Variants in CEP350 observed in about 807,000 individuals in gnomAD.
The protein encoded by CEP350 is centrosome-associated protein 350.
CEP350 carries 126 observed loss-of-function variants against 331.8 expected under a neutral mutation model. The ratio of observed to expected loss-of-function variants is 0.38; its 90% CI spans 0.33 to 0.44. The LOEUF is 0.44. CEP350 is among the 20% of genes least tolerant of loss of function. CEP350 has a pLI of 1.00. For synonymous variants in CEP350, 1,200 were observed against 1,259.5 expected, an observed-to-expected ratio of 0.95 and a Z score of 1.00; for missense variants, 3,406 against 3,634.6, an observed-to-expected ratio of 0.94 and a Z score of 1.62.
At chr1:180,099,747 A>C (rs1011908180) in intron 37 of CEP350, among the ~76,000 whole-genome samples, 1 of 143,832 alleles carries the variant, frequency 7.0e-6, no homozygotes, top group Non-Finnish European at 1.5e-5. Flanking sequence ...TTTGCTTAGT[A>C]TTTTATAGTT....
In CEP350 at chr1:179,987,300, G is replaced by A; in HGVS notation, c.120+14G>A. ...ACCAAGGCTGCTGTAAGTAGTTTTA[G>A]CTTCCATTTATTTATTTCTGGATTA... On this transcript the variant is annotated intron_variant, in intron 3 of 37. Transcript: ENST00000367607. The A allele has an allele frequency of 6.8e-7, 1 of 1,469,904 alleles. No homozygotes were observed. Among genetic ancestry groups the A allele is most frequent in the East Asian group, 2.3e-5 (1 of 43,340 alleles). 91.1% of individuals were successfully genotyped at this position (1,469,904 alleles called of 1,614,324 possible). A position where few individuals can be genotyped will look rare whatever the true frequency, so the allele number is the denominator to read the frequency against.
At chr1:179,968,916 T>C in intron 1 of CEP350, 1 of 757,144 alleles carries the variant, frequency 1.3e-6, no homozygotes, top group Non-Finnish European at 2.4e-6. Flanking sequence ...TGTTGAAGTT[T>C]GCTGCTGCCA....
chr1:180,035,819 A>G (rs1177783366), intron 16 of CEP350, among the ~76,000 whole-genome samples: 1 of 152,230 alleles, frequency 6.6e-6, no homozygotes, highest in Non-Finnish European at 1.5e-5. Context: ...CACAAAGTCT[A>G]TTCTGTACCC....
At chr1:180,051,237 G>A (rs556950361) in intron 22 of CEP350, among the ~76,000 whole-genome samples, 2 of 152,276 alleles carry the variant, frequency 1.3e-5, no homozygotes, top group African/African-American at 4.8e-5. Flanking sequence ...CAACATGAAC[G>A]AATTTTACAG....
chr1:180,031,512 C>T lies in CEP350; in HGVS notation c.3725+18C>T, dbSNP rs1328921256. 1.3e-5 allele frequency: 15 copies of T among 1,189,712 alleles called. No individual in the cohort carries two copies. Among genetic ancestry groups the T allele is most frequent in the Non-Finnish European group, 1.7e-5 (15 of 904,952 alleles). 73.7% of individuals were successfully genotyped at this position (1,189,712 alleles called of 1,614,324 possible). A position where few individuals can be genotyped will look rare whatever the true frequency, so the allele number is the denominator to read the frequency against. ...TCTGTGAGGTAATGTATATTTTATA[C>T]TGTAATTTATATATAATTAAAGATA... On this transcript the variant is annotated intron_variant, in intron 15 of 37. Transcript: ENST00000367607.
Position 180,112,440 on chromosome 1 carries a change from T to C in CEP350, c.*1279T>C, listed in dbSNP as rs187628404. 5.9e-5 allele frequency: 9 copies of C among 152,804 alleles called. No homozygotes were observed. Among genetic ancestry groups the C allele is most frequent in the Admixed American group, 5.2e-4 (8 of 15,304 alleles). 9.5% of individuals were successfully genotyped at this position (152,804 alleles called of 1,614,324 possible). The stretch of plus-strand genomic sequence containing the variant: ...TTTAACTCTGCCTCTCTTGCAGCAT[T>C]GCTTCTCACAACTATTACCTGCATC... On this transcript the variant is annotated 3_prime_UTR_variant, in exon 38 of 38. Transcript: ENST00000367607.
At chr1:180,070,199 C>T (rs1658799216) in intron 27 of CEP350, among the ~76,000 whole-genome samples, 1 of 152,118 alleles carries the variant, frequency 6.6e-6, no homozygotes, top group African/African-American at 2.4e-5. Context: ...ACATCCTAAA[C>T]AAATATAGAA....
intron 30 of CEP350, among the ~76,000 whole-genome samples, chr1:180,081,830 G>A (rs886744194): frequency 7.2e-5 from 11 of 152,166 alleles, no homozygotes; most frequent in Non-Finnish European, 1.6e-4. Context: ...TGTTTATCAT[G>A]TATAATAAAA....
At chr1:179,993,161 C>G (rs1263623444) in intron 5 of CEP350, among the ~76,000 whole-genome samples, 1 of 150,938 alleles carries the variant, frequency 6.6e-6, no homozygotes, top group Admixed American at 6.6e-5. Context: ...GGAGTTATCA[C>G]TAGTATCGAA....
At chr1:179,991,566 G>C (rs997947763) in intron 4 of CEP350, among the ~76,000 whole-genome samples, 7 of 151,404 alleles carry the variant, frequency 4.6e-5, no homozygotes, top group African/African-American at 1.5e-4. Flanking sequence ...GGGATTACAG[G>C]CGTGAGCCAC....
chr1:179,980,483 G>C (rs1006901859), intron 1 of CEP350, among the ~76,000 whole-genome samples: 3 of 151,766 alleles, frequency 2.0e-5, no homozygotes, highest in Admixed American at 2.0e-4. Context: ...TATATTGTCT[G>C]AAAACAGGGA....
chr1:180,008,031 A>C lies in CEP350; in HGVS notation c.1246+1464A>C, dbSNP rs114397043. Among the ~76,000 whole-genome samples the C allele has an allele frequency of 5.9e-3, 899 of 152,182 alleles. 12 individuals carry two copies. Among genetic ancestry groups the C allele is most frequent in the African/African-American group, 0.021 (867 of 41,534 alleles). ...TTCTCTCCAATTTTTTTCTGTGATG[A>C]TTTTTAATATAAGTTAACCAGATTA... On this transcript the variant is annotated intron_variant, in intron 8 of 37. Transcript: ENST00000367607.
chr1:180,069,595 C>G (rs1350462214), intron 27 of CEP350, among the ~76,000 whole-genome samples: 2 of 152,012 alleles, frequency 1.3e-5, no homozygotes, highest in African/African-American at 4.8e-5. Flanking sequence ...GAATCATGTG[C>G]TGTATTATTT....
At chr1:180,005,109 G>C (rs1291838174) in intron 7 of CEP350, among the ~76,000 whole-genome samples, 1 of 148,276 alleles carries the variant, frequency 6.7e-6, no homozygotes, top group African/African-American at 2.5e-5. Context: ...TCTGCACACA[G>C]GACAAATTTG....
At chr1:180,038,934 C>T (rs1656556787) in intron 17 of CEP350, among the ~76,000 whole-genome samples, 1 of 152,008 alleles carries the variant, frequency 6.6e-6, no homozygotes, top group African/African-American at 2.4e-5. Flanking sequence ...AATCTTTGGG[C>T]CGACTGTGGT....
At position 180,043,071 on chromosome 1, in the gene CEP350, A is replaced by G. The variant is rs1656872484; in HGVS notation, c.4378A>G (p.Arg1460Gly). 1.2e-6 allele frequency: 2 copies of G among 1,613,368 alleles called. No individual in the cohort carries two copies. The highest frequency in any genetic ancestry group is 1.7e-6 in the Non-Finnish European group (2 of 1,179,578). ...RQICEMAELT[R>G]THISDAVVAS... is the part of the protein sequence containing the mutation. The stretch of plus-strand genomic sequence containing the variant: ...TCATGTTTAGATGGCAGAGTTGACT[A>G]GAACTCATATCTCAGATGCTGTCGT... Residue 1460 changes from arginine to glycine, a missense_variant, in exon 20 of 38, where the codon AGA becomes GGA. This residue lies in a region of CEP350 where 1,857 missense variants were observed against 1,909.2 expected (regional missense o/e 0.97). Coordinates refer to ENST00000367607, the MANE Select transcript of CEP350 (RefSeq NM_014810.5).
intron 6 of CEP350, among the ~76,000 whole-genome samples, chr1:180,000,997 G>A (rs1653830695): frequency 6.6e-6 from 1 of 152,124 alleles, no homozygotes; most frequent in Non-Finnish European, 1.5e-5. Context: ...TAACTGAATA[G>A]ATTATTTACT....
rs1174451154 is a variant in CEP350, at chr1:179,996,946, T to C, written c.789T>C (p.Ser263=). The C allele has an allele frequency of 2.5e-6, 4 of 1,614,018 alleles. No individual in the cohort carries two copies. The South Asian group carries it at 4.4e-5, about 18-fold the overall frequency. ...CTGACTCTTCTCCATCCTCTACTAG[T>C]ACTTCTAATTCCCAAAGATTAGATA... The part of the protein sequence containing the change: ...RLTDSSPSST[S]TSNSQRLDIL... Residue 263 remains serine, a synonymous_variant, in exon 6 of 38, where the codon AGT becomes AGC. Transcript: ENST00000367607.
chr1:180,106,451 A>G lies in CEP350; in HGVS notation c.9190-4546A>G, dbSNP rs999047453. On this transcript the variant is annotated intron_variant, in intron 37 of 37. Coordinates refer to ENST00000367607, the MANE Select transcript of CEP350 (RefSeq NM_014810.5). ...CCCGGGTCTTTTCTCCTTATAAAAC[A>G]TTAGTATTGTCTCCTGTTGTCTGAT... Among the ~76,000 whole-genome samples, 5 of 152,160 alleles carry G rather than the reference A, an allele frequency of 3.3e-5. No individual in the cohort carries two copies. In the South Asian group the frequency reaches 8.3e-4, roughly 25 times the overall value.
Sources: allele counts gnomAD v4.1 joint callset (sites outside exome capture counted in the v4.1 genomes callset), GRCh38; gene constraint gnomAD v4.1.1; regional missense constraint gnomAD v4.1.1; transcripts MANE v1.5; gene names NCBI Gene and HGNC (gene_info 2026-07-23, HGNC 2026-07-21).